CPED1: variants seen among roughly 807,000 people sequenced by gnomAD.
CPED1 encodes the protein cadherin like and PC-esterase domain containing 1, also known as cadherin-like and PC-esterase domain-containing protein 1.
Under a neutral mutation model 128.2 loss-of-function variants are expected in CPED1, and 114 were observed. That is an observed-to-expected ratio of 0.89 (90% CI 0.76 to 1.04). The LOEUF (loss-of-function observed/expected upper bound fraction) is 1.04, where lower values mean the gene tolerates loss of function less well. CPED1 is among the 50% of genes least tolerant of loss of function. The pLI, the probability that CPED1 is intolerant of heterozygous loss-of-function variation, is 0.00. For synonymous variants in CPED1, 462 were observed against 426.7 expected (o/e 1.08, Z -1.02); for missense variants, 1,211 against 1,207.1 (o/e 1.00, Z -0.05).
chr7:121,034,883 A>G (rs1562999732), intron 3 of CPED1, among the ~76,000 whole-genome samples: 2 of 152,212 alleles, frequency 1.3e-5, no homozygotes. Context: ...AATATCAGGT[A>G]AAATAGAAGC....
At chr7:121,001,775 G>A in intron 2 of CPED1, among the ~76,000 whole-genome samples, 1 of 152,256 alleles carries the variant, frequency 6.6e-6, no homozygotes, top group East Asian at 1.9e-4. Context: ...CCATGGACAA[G>A]TGACTTCTTT....
chr7:121,011,559 TTATGTG>T (rs1312363466), intron 2 of CPED1, among the ~76,000 whole-genome samples: 2 of 152,208 alleles, frequency 1.3e-5, no homozygotes, highest in Non-Finnish European at 2.9e-5. Context: ...AGAATATTTA[TTATGTG>T]TCTCTTATAT....
At chr7:121,210,979 A>G (rs1797628204) in intron 16 of CPED1, among the ~76,000 whole-genome samples, 1 of 151,380 alleles carries the variant, frequency 6.6e-6, no homozygotes, top group Non-Finnish European at 1.5e-5. Flanking sequence ...AAATTAAAAC[A>G]CATAATAAAG....
intron 3 of CPED1, among the ~76,000 whole-genome samples, chr7:121,034,775 T>C (rs1313811967): frequency 1.3e-5 from 2 of 152,246 alleles, no homozygotes; most frequent in East Asian, 3.9e-4. Context: ...TGGTCAAAGA[T>C]GGGGCCTGAA....
chr7:121,083,912 T>A (rs115463735), intron 5 of CPED1: 76 of 152,330 alleles, frequency 5.0e-4, no homozygotes, highest in African/African-American at 1.7e-3. Context: ...ACATTTCAAG[T>A]ACTTGGAACA....
At chr7:121,036,788 A>T (rs1180254658) in intron 3 of CPED1, among the ~76,000 whole-genome samples, 1 of 152,068 alleles carries the variant, frequency 6.6e-6, no homozygotes, top group East Asian at 1.9e-4. Context: ...CACTACATTC[A>T]TGCCAACATC....
intron 2 of CPED1, among the ~76,000 whole-genome samples, chr7:121,010,945 A>T (rs1792150477): frequency 6.6e-6 from 1 of 152,190 alleles, no homozygotes; most frequent in African/African-American, 2.4e-5. Context: ...TACTTCTTAC[A>T]TTCCCTAAAA....
chr7:121,203,550 GC>G (rs1169227476), intron 16 of CPED1, among the ~76,000 whole-genome samples: 4 of 151,920 alleles, frequency 2.6e-5, no homozygotes, highest in Non-Finnish European at 5.9e-5. Context: ...CTCCCTAACT[GC>G]CCCTGTGGGC....
At chr7:121,159,736 CTT>C (rs1796371662) in intron 16 of CPED1, among the ~76,000 whole-genome samples, 1 of 152,096 alleles carries the variant, frequency 6.6e-6, no homozygotes, top group Admixed American at 6.6e-5. Flanking sequence ...GTATATTACT[CTT>C]GTCTCTCTCC....
intron 3 of CPED1, among the ~76,000 whole-genome samples, chr7:121,044,105 A>C (rs528302650): frequency 1.3e-5 from 2 of 152,306 alleles, no homozygotes; most frequent in Non-Finnish European, 2.9e-5. Flanking sequence ...ATCTCTGCCC[A>C]GTTTCTACAT....
intron 4 of CPED1, among the ~76,000 whole-genome samples, chr7:121,059,265 A>G (rs1793587157): frequency 6.6e-6 from 1 of 152,176 alleles, no homozygotes; most frequent in Non-Finnish European, 1.5e-5. Context: ...AATGGCTCTT[A>G]TTTTAAAGCA....
At position 121,152,840 on chromosome 7, in the gene CPED1, A is replaced by G. The variant is rs140455301; in HGVS notation, c.2055+10699A>G. Among the ~76,000 whole-genome samples, 854 of 152,336 alleles carry G rather than the reference A, an allele frequency of 5.6e-3. 8 individuals carry two copies. Among genetic ancestry groups the G allele is most frequent in the African/African-American group, 0.019 (789 of 41,576 alleles). ...AAATATGAAGGACTTTGTAGCATGA[A>G]TCACCTGTGCTAAATTATACAGTAC... On this transcript the variant is annotated intron_variant, in intron 16 of 22. Transcript: ENST00000310396.
intron 3 of CPED1, among the ~76,000 whole-genome samples, chr7:121,041,802 G>A (rs1793060710): frequency 6.6e-6 from 1 of 152,176 alleles, no homozygotes; most frequent in Non-Finnish European, 1.5e-5. Flanking sequence ...AACACTTAGA[G>A]AAGGATAAAA....
intron 16 of CPED1, among the ~76,000 whole-genome samples, chr7:121,230,213 AAAAG>A (rs1229583933): frequency 6.6e-6 from 1 of 152,024 alleles, no homozygotes; most frequent in East Asian, 1.9e-4. Context: ...AATCAAGAAA[AAAAG>A]AAATCAAGAA....
chr7:121,004,158 A>C, intron 2 of CPED1, among the ~76,000 whole-genome samples: 1 of 152,186 alleles, frequency 6.6e-6, no homozygotes, highest in East Asian at 1.9e-4. Context: ...TCCATCCTTA[A>C]CCATCTGTTC....
At chr7:121,289,372 A>T (rs1161006492) in intron 22 of CPED1, among the ~76,000 whole-genome samples, 1 of 152,214 alleles carries the variant, frequency 6.6e-6, no homozygotes, top group Non-Finnish European at 1.5e-5. Context: ...ATTATATTAA[A>T]GAAAAAAATC....
At chr7:121,155,728 TCTGAAAC>T (rs1162025671) in intron 16 of CPED1, among the ~76,000 whole-genome samples, 4 of 152,172 alleles carry the variant, frequency 2.6e-5, no homozygotes, top group Non-Finnish European at 5.9e-5. Flanking sequence ...AAGGCTTAAA[TCTGAAAC>T]CTGAAACTAT....
intron 22 of CPED1, among the ~76,000 whole-genome samples, chr7:121,282,897 T>C (rs1792490615): frequency 6.6e-6 from 1 of 152,210 alleles, no homozygotes. Flanking sequence ...CTCCATGTGT[T>C]TCCTGACACA....
intron 22 of CPED1, among the ~76,000 whole-genome samples, chr7:121,276,776 C>T (rs964778890): frequency 6.6e-6 from 1 of 152,044 alleles, no homozygotes; most frequent in Non-Finnish European, 1.5e-5. Context: ...CTGATGTTCT[C>T]ATAATCACAG....
Sources: allele counts gnomAD v4.1 joint callset (sites outside exome capture counted in the v4.1 genomes callset), GRCh38; gene constraint gnomAD v4.1.1; transcripts MANE v1.5; gene names NCBI Gene and HGNC (gene_info 2026-07-23, HGNC 2026-07-21).